Variants in NIBAN1 observed in about 807,000 individuals in gnomAD.
NIBAN1 encodes the protein protein Niban 1.
NIBAN1 carries 81 observed loss-of-function variants against 75.1 expected under a neutral mutation model. That is an observed-to-expected ratio of 1.08 (90% confidence interval 0.90 to 1.30). The LOEUF is 1.30. Ranked by LOEUF, NIBAN1 falls within the 50% of genes most tolerant of loss-of-function variation. The probability of loss-of-function intolerance (pLI) is 0.00; values close to 1 mark genes in which losing one functional copy is unlikely to be tolerated. For missense variants in NIBAN1, 1,133 were observed against 1,128.1 expected, an observed-to-expected ratio of 1.00 and a Z score of -0.06; for synonymous variants, 436 against 424.8, an observed-to-expected ratio of 1.03 and a Z score of -0.32.
At chr1:184,940,159 C>T (rs1658053565) in intron 1 of NIBAN1, among the ~76,000 whole-genome samples, 1 of 152,112 alleles carries the variant, frequency 6.6e-6, no homozygotes, top group Non-Finnish European at 1.5e-5. Context: ...TGGCCAGACA[C>T]CCTGTGCCCT....
rs1658455821 is a variant in NIBAN1 at position 184,955,307 on chromosome 1, T to TTTTCCTTTCCTTTCCTTTCA, written c.55+18994_55+18995insTGAAAGGAAAGGAAAGGAAA. Among the ~76,000 whole-genome samples the TTTTCCTTTCCTTTCCTTTCA allele has an allele frequency of 6.3e-5, 6 of 94,556 alleles. No homozygotes were observed. In the South Asian group the frequency reaches 2.5e-3, roughly 39 times the overall value. 62.0% of individuals were successfully genotyped at this position (94,556 alleles called of 152,430 possible). ...TAAAAGGCTTCAATCTTTTCTTTTC[T>TTTTCCTTTCCTTTCCTTTCA]TTTCCTTTCCTTTCCTTTCCTTTCC... On this transcript the variant is annotated intron_variant, in intron 1 of 13. Coordinates refer to ENST00000367511, the MANE Select transcript of NIBAN1 (RefSeq NM_052966.4).
intron 5 of NIBAN1, among the ~76,000 whole-genome samples, chr1:184,866,485 G>A (rs1480935225): frequency 6.6e-6 from 1 of 152,162 alleles, no homozygotes; most frequent in Non-Finnish European, 1.5e-5. Flanking sequence ...GACACGAAAT[G>A]TAATTTTAAG....
chr1:184,857,374 A>G (rs1655707214), intron 5 of NIBAN1, among the ~76,000 whole-genome samples: 1 of 152,196 alleles, frequency 6.6e-6, no homozygotes, highest in Admixed American at 6.5e-5. Context: ...ACACTACAAC[A>G]TTTAATCTAT....
At chr1:184,862,688 G>A (rs1331497168) in intron 5 of NIBAN1, among the ~76,000 whole-genome samples, 1 of 151,906 alleles carries the variant, frequency 6.6e-6, no homozygotes. Flanking sequence ...TCCCCTTTTT[G>A]TTTTTAAAGA....
intron 5 of NIBAN1, among the ~76,000 whole-genome samples, chr1:184,843,176 C>T (rs1655340858): frequency 6.6e-6 from 1 of 152,208 alleles, no homozygotes. Flanking sequence ...TAGAACTCTA[C>T]CCATGGTGGA....
chr1:184,795,610 C>A lies in NIBAN1; in HGVS notation c.2154G>T (p.Ala718=). ...CAGAGTCCACTGGTACTTCCACGGACGCTGTCAGCAACTTTCTGAGCGCCT... is the reference window on the plus strand; with the variant it reads ...CAGAGTCCACTGGTACTTCCACGGAAGCTGTCAGCAACTTTCTGAGCGCCT... ...SLKALRKLLT[A]SVEVPVDSAP... The change falls in exon 14 of 14, where the codon GCG becomes GCT. Residue 718 remains alanine (A), a synonymous_variant. Coordinates refer to ENST00000367511, the MANE Select transcript of NIBAN1 (RefSeq NM_052966.4). 1 of 1,614,160 alleles carries A rather than the reference C, an allele frequency of 6.2e-7. No individual in the cohort carries two copies. Among genetic ancestry groups the A allele is most frequent in the African/African-American group, 1.3e-5 (1 of 75,034 alleles).
intron 1 of NIBAN1, among the ~76,000 whole-genome samples, chr1:184,940,918 T>C (rs1000677288): frequency 2.6e-5 from 4 of 152,188 alleles, no homozygotes; most frequent in Admixed American, 2.0e-4. Context: ...ACTTCCTACA[T>C]CTCCTAGCGG....
chr1:184,904,161 G>T (rs375099701), intron 1 of NIBAN1, among the ~76,000 whole-genome samples: 1 of 152,034 alleles, frequency 6.6e-6, no homozygotes, highest in Non-Finnish European at 1.5e-5. Flanking sequence ...CTCCCAAAGT[G>T]CTGGGATTAC....
chr1:184,932,522 T>C (rs981233320), intron 1 of NIBAN1, among the ~76,000 whole-genome samples: 1 of 152,126 alleles, frequency 6.6e-6, no homozygotes, highest in African/African-American at 2.4e-5. Context: ...ATGCAAGTAA[T>C]GGGGAGCGGC....
At chr1:184,815,984 A>T (rs1457240652) in intron 9 of NIBAN1, among the ~76,000 whole-genome samples, 1 of 152,234 alleles carries the variant, frequency 6.6e-6, no homozygotes, top group Non-Finnish European at 1.5e-5. Flanking sequence ...AGTTATGCTA[A>T]ATAATAAAAT....
Position 184,881,743 on chromosome 1 carries a change from G to A in NIBAN1, c.601+2890C>T, listed in dbSNP as rs184806185. ...AGACCATGTAGGGTAACTTCCTGAC[G>A]TTGCCATGGTATTTGTAAACTGTCA... is the stretch of plus-strand genomic sequence containing the variant. On this transcript the variant is annotated intron_variant, in intron 5 of 13. Transcript: ENST00000367511. 1.1e-4 allele frequency among the ~76,000 whole-genome samples: 17 copies of A among 152,246 alleles called. No individual in the cohort carries two copies. The East Asian group carries it at 2.1e-3, about 19-fold the overall frequency.
intron 6 of NIBAN1, among the ~76,000 whole-genome samples, chr1:184,825,074 C>T (rs1266959458): frequency 1.3e-5 from 2 of 152,208 alleles, no homozygotes; most frequent in Non-Finnish European, 2.9e-5. Flanking sequence ...CCATCTGGAC[C>T]TTCCAGTGAC....
chr1:184,954,666 T>C (rs1373308809), intron 1 of NIBAN1, among the ~76,000 whole-genome samples: 1 of 152,238 alleles, frequency 6.6e-6, no homozygotes, highest in Non-Finnish European at 1.5e-5. Context: ...TGCTTATGTG[T>C]AACTCAGAAT....
intron 6 of NIBAN1, among the ~76,000 whole-genome samples, chr1:184,831,322 T>C (rs1358605682): frequency 1.3e-5 from 2 of 152,232 alleles, no homozygotes; most frequent in Non-Finnish European, 2.9e-5. Context: ...TTCATTTACA[T>C]ATAATTCAAT....
intron 1 of NIBAN1, among the ~76,000 whole-genome samples, chr1:184,938,118 T>G (rs562191604): frequency 5.8e-4 from 89 of 152,340 alleles, no homozygotes; most frequent in African/African-American, 2.0e-3. Context: ...GGATACCTAC[T>G]ACTGGGAAAG....
intron 1 of NIBAN1, among the ~76,000 whole-genome samples, chr1:184,944,481 G>A (rs1658174406): frequency 6.6e-6 from 1 of 152,256 alleles, no homozygotes; most frequent in South Asian, 2.1e-4. Flanking sequence ...AAAGTGAACA[G>A]CTAACTATGA....
intron 1 of NIBAN1, among the ~76,000 whole-genome samples, chr1:184,973,433 G>C (rs773816573): frequency 6.6e-6 from 1 of 152,204 alleles, no homozygotes; most frequent in Middle Eastern, 3.4e-3. Flanking sequence ...TGGGGGATCT[G>C]GCGGCGGGGC....
In NIBAN1 at chr1:184,894,195, C is replaced by T. The variant is rs140229052; in HGVS notation, c.198G>A (p.Ala66=). The change falls in exon 3 of 14, where the codon GCG becomes GCA. Residue 66 remains alanine (A), a synonymous_variant. Coordinates refer to ENST00000367511, the MANE Select transcript of NIBAN1 (RefSeq NM_052966.4). ...CTGCTTCATACAAAATAGTTCCAGG[C>T]GCCAATGGTGGCTTAAAGAAGATGA... The part of the protein sequence containing the change: ...SQFLKTKPPL[A]PGTILYEAEL... 3.8e-4 allele frequency: 607 copies of T among 1,601,348 alleles called. 1 individual carries two copies. The African/African-American group carries it at 6.1e-3, about 16-fold the overall frequency.
At chr1:184,809,682 TATAC>T (rs995491803) in intron 9 of NIBAN1, among the ~76,000 whole-genome samples, 1 of 121,296 alleles carries the variant, frequency 8.2e-6, no homozygotes, top group African/African-American at 4.3e-5. Flanking sequence ...TGTATATATA[TATAC>T]ATATATATGT....
Sources: gnomAD v4.1 joint callset for allele counts (sites outside exome capture counted in the v4.1 genomes callset) on GRCh38, gnomAD v4.1.1 for gene constraint, MANE v1.5 for transcripts, NCBI Gene and HGNC (gene_info 2026-07-23, HGNC 2026-07-21) for gene names.